TBX4: variants seen among roughly 807,000 people sequenced by gnomAD.
TBX4 encodes T-box transcription factor TBX4.
TBX4 carries 13 observed loss-of-function variants against 54.6 expected under a neutral mutation model. That is an observed-to-expected ratio of 0.24 (90% CI 0.15 to 0.38). The LOEUF (loss-of-function observed/expected upper bound fraction) is 0.38, where lower values mean the gene tolerates loss of function less well. Among genes scored for constraint, TBX4 ranks in the 10% least tolerant of loss-of-function variants. The pLI, the probability that TBX4 is intolerant of heterozygous loss-of-function variation, is 1.00. For missense variants in TBX4, 631 were observed against 728.5 expected, an observed-to-expected ratio of 0.87 and a Z score of 1.54; for synonymous variants, 314 against 306.7, an observed-to-expected ratio of 1.02 and a Z score of -0.25.
chr17:61,466,903 C>T (rs1569037282), intron 4 of TBX4, among the ~76,000 whole-genome samples: 1 of 152,066 alleles, frequency 6.6e-6, no homozygotes, highest in Non-Finnish European at 1.5e-5. Context: ...TATCTGTAAT[C>T]CCAGCTACTC....
chr17:61,482,684 G>A (rs1179267281), intron 8 of TBX4, among the ~76,000 whole-genome samples: 3 of 152,184 alleles, frequency 2.0e-5, no homozygotes, highest in African/African-American at 2.4e-5. Flanking sequence ...GGTGTCCCCC[G>A]TGGCCTCTGA....
Position 61,479,229 on chromosome 17 carries a change from T to A in TBX4, c.702+450T>A, listed in dbSNP as rs527797813. Among the ~76,000 whole-genome samples the A allele has an allele frequency of 6.6e-6, 1 of 152,136 alleles. No homozygotes were observed. Among genetic ancestry groups the A allele is most frequent in the East Asian group, 1.9e-4 (1 of 5,146 alleles). On this transcript the variant is annotated intron_variant, in intron 6 of 8. Coordinates refer to ENST00000644296, the MANE Select transcript of TBX4 (RefSeq NM_001321120.2). This position sits in a 1 kb window ranked among gnomAD's most constrained non-coding sequence, Gnocchi z 6.1. ...AGCGGAGGCCCTTCCCAGGCTGTGA[T>A]AGGAGGTGCCCCAGCCACCTCCCAC...
rs545389486 is a variant in TBX4, at chr17:61,484,765, T to A, written c.*1249T>A. On this transcript the variant is annotated 3_prime_UTR_variant, in exon 9 of 9. Transcript: ENST00000644296. The surrounding 1 kb of genome is among the most constrained non-coding windows in gnomAD (Gnocchi z 4.1). The stretch of plus-strand genomic sequence containing the variant: ...TTATATAAATAAATAAATATATATA[T>A]TATATATCGCTCTCTCTCACAAATG... The A allele has an allele frequency of 1.1e-4, 16 of 147,296 alleles. No homozygotes were observed. Among genetic ancestry groups the A allele is most frequent in the African/African-American group, 3.9e-4 (16 of 40,580 alleles). 9.1% of individuals were successfully genotyped at this position (147,296 alleles called of 1,614,324 possible).
rs1357470246 is a variant in TBX4, at chr17:61,483,827, T to G, written c.*311T>G. 2.5e-6 allele frequency: 1 copy of G among 397,686 alleles called. No homozygotes were observed. Among genetic ancestry groups the G allele is most frequent in the Non-Finnish European group, 4.8e-6 (1 of 210,170 alleles). 24.6% of individuals were successfully genotyped at this position (397,686 alleles called of 1,614,324 possible). A position where few individuals can be genotyped will look rare whatever the true frequency, so the allele number is the denominator to read the frequency against. On this transcript the variant is annotated 3_prime_UTR_variant, in exon 9 of 9. Transcript: ENST00000644296. This position sits in a 1 kb window ranked among gnomAD's most constrained non-coding sequence, Gnocchi z 6.6. ...CGTGGGTGGGATGGGAGTGGAGGGT[T>G]CATATGAGTTATTGAGAGGGTTTTA... is the stretch of plus-strand genomic sequence containing the variant.
chr17:61,466,349 G>A (rs1452327770), intron 4 of TBX4, among the ~76,000 whole-genome samples: 1 of 152,206 alleles, frequency 6.6e-6, no homozygotes, highest in Non-Finnish European at 1.5e-5. Flanking sequence ...GCCATTACCT[G>A]CTGTGTGGGG....
chr17:61,479,581 G>C lies in TBX4; in HGVS notation c.703-300G>C, dbSNP rs1356100251. Among the ~76,000 whole-genome samples the C allele has an allele frequency of 6.6e-6, 1 of 152,170 alleles. No individual in the cohort carries two copies. Among genetic ancestry groups the C allele is most frequent in the Non-Finnish European group, 1.5e-5 (1 of 68,030 alleles). On this transcript the variant is annotated intron_variant, in intron 6 of 8. Transcript: ENST00000644296. This position sits in a 1 kb window ranked among gnomAD's most constrained non-coding sequence, Gnocchi z 6.1. Reference sequence around the variant, plus strand: ...CAGTGCGGAGGGCTGGGGAGCAGGAGAAAGAATCAGAGGGTGGAGAGCAAG... The same window carrying C: ...CAGTGCGGAGGGCTGGGGAGCAGGACAAAGAATCAGAGGGTGGAGAGCAAG...
Position 61,479,186 on chromosome 17 carries a change from G to A in TBX4, c.702+407G>A, listed in dbSNP as rs143431192. Among the ~76,000 whole-genome samples the A allele has an allele frequency of 6.6e-6, 1 of 152,160 alleles. No individual in the cohort carries two copies. ...GAGCCCTGGGGTGCTGTCAGCTGGG[G>A]TGTGGAAGCAGAGCCTGAGCGGAGG... On this transcript the variant is annotated intron_variant, in intron 6 of 8. Transcript: ENST00000644296. This position sits in a 1 kb window ranked among gnomAD's most constrained non-coding sequence, Gnocchi z 6.1.
In TBX4 at chr17:61,480,366, G is replaced by T; in HGVS notation, c.1021+47G>T. On this transcript the variant is annotated intron_variant, in intron 8 of 8. Coordinates refer to ENST00000644296, the MANE Select transcript of TBX4 (RefSeq NM_001321120.2). The surrounding 1 kb of genome is among the most constrained non-coding windows in gnomAD (Gnocchi z 6.2). ...AGCCCTAGAGGGTAAGAGGAGCGGT[G>T]AGGTTCTCCCCGAAACCACTCTGCA... 1 of 1,501,934 alleles carries T rather than the reference G, an allele frequency of 6.7e-7. No individual in the cohort carries two copies. The highest frequency in any genetic ancestry group is 1.2e-5 in the South Asian group (1 of 85,560). 93.0% of individuals were successfully genotyped at this position (1,501,934 alleles called of 1,614,324 possible).
intron 1 of TBX4, among the ~76,000 whole-genome samples, chr17:61,455,879 G>A (rs1160806941): frequency 6.6e-6 from 1 of 152,300 alleles, no homozygotes; most frequent in Non-Finnish European, 1.5e-5. Context: ...GTGTGTGGAC[G>A]GGGAGTGTGT....
At position 61,461,466 on chromosome 17, in the gene TBX4, G is replaced by T. The variant is rs554785923; in HGVS notation, c.281+3835G>T. Among the ~76,000 whole-genome samples the T allele has an allele frequency of 4.5e-4, 69 of 152,282 alleles. 1 individual carries two copies. In the South Asian group the frequency reaches 0.014, roughly 31 times the overall value. The stretch of plus-strand genomic sequence containing the variant: ...GGATTCCTCCTGAAAAGCCCCCACG[G>T]ACATCAGGGTTGGAGAAACAAAGGG... On this transcript the variant is annotated intron_variant, in intron 3 of 8. Coordinates refer to ENST00000644296, the MANE Select transcript of TBX4 (RefSeq NM_001321120.2). The surrounding 1 kb of genome is among the most constrained non-coding windows in gnomAD (Gnocchi z 5.1).
rs2060659903 is a variant in TBX4 at position 61,481,080 on chromosome 17, A to G, written c.1021+761A>G. ...TCCCTCAGCCCTGGTCCTAGGGACT[A>G]GCCCAGCAGAGCTCCGAGATCCCCT... On this transcript the variant is annotated intron_variant, in intron 8 of 8. Coordinates refer to ENST00000644296, the MANE Select transcript of TBX4 (RefSeq NM_001321120.2). The surrounding 1 kb of genome is among the most constrained non-coding windows in gnomAD (Gnocchi z 4.8). Among the ~76,000 whole-genome samples the G allele has an allele frequency of 6.6e-6, 1 of 152,202 alleles. No individual in the cohort carries two copies. Among genetic ancestry groups the G allele is most frequent in the Non-Finnish European group, 1.5e-5 (1 of 68,032 alleles).
Position 61,474,874 on chromosome 17 carries a change from C to A in TBX4, c.550-3753C>A, listed in dbSNP as rs1244181059. 2.0e-5 allele frequency among the ~76,000 whole-genome samples: 3 copies of A among 152,204 alleles called. No individual in the cohort carries two copies. Among genetic ancestry groups the A allele is most frequent in the Non-Finnish European group, 4.4e-5 (3 of 68,038 alleles). On this transcript the variant is annotated intron_variant, in intron 5 of 8. Transcript: ENST00000644296. This position sits in a 1 kb window ranked among gnomAD's most constrained non-coding sequence, Gnocchi z 4.6. Reference sequence around the variant, plus strand: ...GACTAAGGCTCAAGTTTATACTTGTCTTGGCTCAATGGGTGGGACTTTCTT... The same window carrying A: ...GACTAAGGCTCAAGTTTATACTTGTATTGGCTCAATGGGTGGGACTTTCTT...
In TBX4 at chr17:61,480,226, C is replaced by T; in HGVS notation, c.928C>T (p.His310Tyr). The T allele has an allele frequency of 6.2e-7, 1 of 1,614,148 alleles. No individual in the cohort carries two copies. Among genetic ancestry groups the T allele is most frequent in the Non-Finnish European group, 8.5e-7 (1 of 1,180,032 alleles). ...GCACTACCAGCACGAGAACGGGGCA[C>T]ACTCACAGCTCGCGGAGCCGCAGGA... The part of the protein sequence containing the change: ...LQHYQHENGA[H>Y]SQLAEPQDLP... The change falls in exon 8 of 9, where the codon CAC becomes TAC. Residue 310 changes from histidine to tyrosine, a missense_variant. His to Tyr is a moderately conservative substitution (Grantham distance 83). Around this residue, in one of 3 missense-constraint regions of TBX4, gnomAD observed 354 missense variants for 368.9 expected, o/e 0.96. Coordinates refer to ENST00000644296, the MANE Select transcript of TBX4 (RefSeq NM_001321120.2). The surrounding 1 kb of genome is among the most constrained non-coding windows in gnomAD (Gnocchi z 6.2).
Position 61,459,370 on chromosome 17 carries a change from A to G in TBX4, c.281+1739A>G, listed in dbSNP as rs762572015. Among the ~76,000 whole-genome samples the G allele has an allele frequency of 4.4e-4, 67 of 152,206 alleles. No individual in the cohort carries two copies. Among genetic ancestry groups the G allele is most frequent in the Non-Finnish European group, 1.5e-5 (1 of 68,044 alleles). ...GGTTGGTAAATGGATAATCCACTTG[A>G]TCAAGTGCGAAGGGGAATGGGGCTA... On this transcript the variant is annotated intron_variant, in intron 3 of 8. Transcript: ENST00000644296. This position sits in a 1 kb window ranked among gnomAD's most constrained non-coding sequence, Gnocchi z 4.8.
At chr17:61,477,656 CA>C (rs2060630724) in intron 5 of TBX4, among the ~76,000 whole-genome samples, 1 of 152,188 alleles carries the variant, frequency 6.6e-6, no homozygotes, top group Non-Finnish European at 1.5e-5. Flanking sequence ...AATGCATAAA[CA>C]AGGCTAGGTG....
At chr17:61,452,940 G>A (rs968717379) in intron 1 of TBX4, 1 of 985,344 alleles carries the variant, frequency 1.0e-6, no homozygotes, top group African/African-American at 1.7e-5. Context: ...GAATATGCAA[G>A]GCCAAGGAAG....
In TBX4 at chr17:61,462,437, G is replaced by T. The variant is rs951955355; in HGVS notation, c.282-3382G>T. ...GGAGCATGGAGAGGGCGCTTGGGGC[G>T]CGGAGAGAAGGTGCGGGGCACGTGG... On this transcript the variant is annotated intron_variant, in intron 3 of 8. Coordinates refer to ENST00000644296, the MANE Select transcript of TBX4 (RefSeq NM_001321120.2). This position sits in a 1 kb window ranked among gnomAD's most constrained non-coding sequence, Gnocchi z 4.5. Among the ~76,000 whole-genome samples, 23 of 152,270 alleles carry T rather than the reference G, an allele frequency of 1.5e-4. No individual in the cohort carries two copies. Among genetic ancestry groups the T allele is most frequent in the African/African-American group, 5.5e-4 (23 of 41,554 alleles).
rs746030344 is a variant in TBX4 at position 61,480,350 on chromosome 17, G to C, written c.1021+31G>C. ...GCTCTCCTGGTCTAGAAGCCCTAGAGGGTAAGAGGAGCGGTGAGGTTCTCC... is the reference window on the plus strand; with the variant it reads ...GCTCTCCTGGTCTAGAAGCCCTAGACGGTAAGAGGAGCGGTGAGGTTCTCC... On this transcript the variant is annotated intron_variant, in intron 8 of 8. Coordinates refer to ENST00000644296, the MANE Select transcript of TBX4 (RefSeq NM_001321120.2). The surrounding 1 kb of genome is among the most constrained non-coding windows in gnomAD (Gnocchi z 6.2). 7 of 1,589,268 alleles carry C rather than the reference G, an allele frequency of 4.4e-6. No homozygotes were observed. In the East Asian group the frequency reaches 1.6e-4, roughly 36 times the overall value.
Position 61,457,556 on chromosome 17 carries a change from T to TG in TBX4, c.210dup (p.Leu71AlafsTer3), listed in dbSNP as rs2143795994. The TG allele has an allele frequency of 6.2e-7, 1 of 1,610,506 alleles. No homozygotes were observed. The highest frequency in any genetic ancestry group is 8.5e-7 in the Non-Finnish European group (1 of 1,178,970). On this transcript the variant is annotated frameshift_variant, in exon 3 of 9. Coordinates refer to ENST00000644296, the MANE Select transcript of TBX4 (RefSeq NM_001321120.2). LOFTEE classifies it high-confidence loss of function. The surrounding 1 kb of genome is among the most constrained non-coding windows in gnomAD (Gnocchi z 8.2). ...CCCCAGACCATCGAGAACATCAAGG[T>TG]GGGGCTGCATGAGAAGGAGCTCTGG...
Sources: gnomAD v4.1 joint callset for allele counts (sites outside exome capture counted in the v4.1 genomes callset) on GRCh38, gnomAD v4.1.1 for gene constraint, gnomAD v4.1.1 regional missense constraint, Gnocchi (gnomAD v3.1) non-coding constraint, MANE v1.5 for transcripts, NCBI Gene and HGNC (gene_info 2026-07-23, HGNC 2026-07-21) for gene names.